Variants in NLGN1 observed in about 807,000 individuals in gnomAD.
NLGN1 encodes neuroligin 1.
Under a neutral mutation model 65.5 loss-of-function variants are expected in NLGN1, and 12 were observed. That is an observed-to-expected ratio of 0.18 (90% CI 0.12 to 0.30). The LOEUF is 0.30. Among genes scored for constraint, NLGN1 ranks in the 10% least tolerant of loss-of-function variants. The pLI is 1.00. For synonymous variants in NLGN1, 350 were observed against 359.5 expected (o/e 0.97, Z 0.30); for missense variants, 750 against 1,007.1 (o/e 0.74, Z 3.46).
At chr3:173,707,523 A>G (rs1027711869) in intron 3 of NLGN1, among the ~76,000 whole-genome samples, 3 of 152,008 alleles carry the variant, frequency 2.0e-5, no homozygotes, top group African/African-American at 7.2e-5. Flanking sequence ...ATTATTACAA[A>G]TAAGATTTCT....
At chr3:173,810,743 T>A (rs548184511) in intron 4 of NLGN1, among the ~76,000 whole-genome samples, 8 of 152,276 alleles carry the variant, frequency 5.3e-5, no homozygotes, top group African/African-American at 1.4e-4. Context: ...TTAAAAAAAA[T>A]TTGTTTATTA....
intron 3 of NLGN1, among the ~76,000 whole-genome samples, chr3:173,732,708 G>T (rs1773042707): frequency 6.6e-6 from 1 of 152,058 alleles, no homozygotes; most frequent in African/African-American, 2.4e-5. Flanking sequence ...CATTCTCAAA[G>T]AATTAAATTT....
At chr3:173,445,995 A>G (rs1345151439) in intron 2 of NLGN1, among the ~76,000 whole-genome samples, 2 of 152,182 alleles carry the variant, frequency 1.3e-5, no homozygotes, top group Non-Finnish European at 2.9e-5. Flanking sequence ...TTTGCTTTAC[A>G]GAGAAAATAA....
chr3:174,228,425 C>T (rs1232469814), intron 4 of NLGN1, among the ~76,000 whole-genome samples: 10 of 151,988 alleles, frequency 6.6e-5, no homozygotes, highest in African/African-American at 2.4e-4. Flanking sequence ...TTTCTTCATC[C>T]CCAAAGGCAC....
intron 2 of NLGN1, among the ~76,000 whole-genome samples, chr3:173,589,333 A>G (rs1029632397): frequency 4.6e-5 from 7 of 152,202 alleles, no homozygotes; most frequent in African/African-American, 1.7e-4. Flanking sequence ...CTAATGCTAC[A>G]TATGCCTACA....
At chr3:173,940,714 C>G (rs558849510) in intron 4 of NLGN1, among the ~76,000 whole-genome samples, 79 of 152,188 alleles carry the variant, frequency 5.2e-4, no homozygotes, top group African/African-American at 1.8e-3. Flanking sequence ...CCTGTTATAT[C>G]CTGATTTCAT....
At chr3:173,666,998 A>G (rs1761791502) in intron 3 of NLGN1, among the ~76,000 whole-genome samples, 1 of 152,192 alleles carries the variant, frequency 6.6e-6, no homozygotes, top group African/African-American at 2.4e-5. Context: ...TGGACATAAA[A>G]TATAAAAAGT....
At chr3:173,525,406 G>T (rs1157307068) in intron 2 of NLGN1, among the ~76,000 whole-genome samples, 1 of 151,988 alleles carries the variant, frequency 6.6e-6, no homozygotes, top group East Asian at 1.9e-4. Flanking sequence ...TGTGCACATG[G>T]AGACATTCAT....
chr3:173,837,313 A>G (rs1349712258), intron 4 of NLGN1, among the ~76,000 whole-genome samples: 2 of 152,168 alleles, frequency 1.3e-5, no homozygotes, highest in Non-Finnish European at 2.9e-5. Context: ...AATCAGGCAT[A>G]TACTTTAGAG....
rs1022390444 is a variant in NLGN1 at position 173,663,997 on chromosome 3, G to A, written c.493+58906G>A. ...TTTAGCAAAATGTTGGGAAGATGGA[G>A]GAGTATTCAGCATGAGGTATGCTGT... On this transcript the variant is annotated intron_variant, in intron 3 of 6. Transcript: ENST00000457714. 3.3e-5 allele frequency among the ~76,000 whole-genome samples: 5 copies of A among 151,924 alleles called. No homozygotes were observed. The South Asian group carries it at 1.0e-3, about 32-fold the overall frequency.
intron 4 of NLGN1, among the ~76,000 whole-genome samples, chr3:173,986,405 G>A (rs1228609129): frequency 2.0e-5 from 3 of 152,010 alleles, no homozygotes; most frequent in Non-Finnish European, 4.4e-5. Context: ...GGAGGCAGAG[G>A]TTGCAGTGAG....
At chr3:173,612,455 G>A (rs1200600049) in intron 3 of NLGN1, among the ~76,000 whole-genome samples, 1 of 152,032 alleles carries the variant, frequency 6.6e-6, no homozygotes, top group African/African-American at 2.4e-5. Context: ...CTCTACAGGA[G>A]TACCTCCCTG....
chr3:174,241,294 T>G (rs1742757757), intron 4 of NLGN1, among the ~76,000 whole-genome samples: 1 of 152,084 alleles, frequency 6.6e-6, no homozygotes, highest in Non-Finnish European at 1.5e-5. Context: ...TTTTTGCCTG[T>G]TTTATATATT....
chr3:174,105,277 T>A (rs1338098601), intron 4 of NLGN1, among the ~76,000 whole-genome samples: 1 of 152,100 alleles, frequency 6.6e-6, no homozygotes, highest in Non-Finnish European at 1.5e-5. Context: ...TGGTGGCTCA[T>A]GCCTGTCATC....
intron 2 of NLGN1, among the ~76,000 whole-genome samples, chr3:173,549,568 T>C (rs575483907): frequency 1.6e-4 from 24 of 152,156 alleles, no homozygotes; most frequent in Non-Finnish European, 2.9e-4. Flanking sequence ...TACCTCTCAT[T>C]TTATAACAAA....
rs572529718 is a variant in NLGN1 at position 174,279,337 on chromosome 3, C to T, written c.1336C>T (p.Arg446Cys). 4 of 1,613,270 alleles carry T rather than the reference C, an allele frequency of 2.5e-6. No individual in the cohort carries two copies. Among genetic ancestry groups the T allele is most frequent in the Non-Finnish European group, 3.4e-6 (4 of 1,179,558 alleles). Residue 446 changes from arginine to cysteine, a missense_variant, in exon 6 of 7, where the codon CGT becomes TGT. Arg to Cys is a radical substitution (Grantham distance 180). Transcript: ENST00000457714. This position sits in a 1 kb window ranked among gnomAD's most constrained non-coding sequence, Gnocchi z 4.7. Reference sequence around the variant, plus strand: ...GTTCATGTATACTGACTGGGCTGACCGTCATAACCCTGAAACCAGAAGAAA... The same window carrying T: ...GTTCATGTATACTGACTGGGCTGACTGTCATAACCCTGAAACCAGAAGAAA...
chr3:173,604,695 A>G, exon 3 of NLGN1: 2 of 1,613,714 alleles, frequency 1.2e-6, no homozygotes, highest in Non-Finnish European at 1.7e-6. Context: ...GACTCTCTGT[A>G]TGTTGGGATG....
chr3:174,048,819 A>C (rs1734187143), intron 4 of NLGN1, among the ~76,000 whole-genome samples: 1 of 152,160 alleles, frequency 6.6e-6, no homozygotes, highest in Non-Finnish European at 1.5e-5. Flanking sequence ...ATATATTCAA[A>C]TTAAACACAC....
At chr3:173,853,641 T>C (rs1041503472) in intron 4 of NLGN1, among the ~76,000 whole-genome samples, 1 of 152,146 alleles carries the variant, frequency 6.6e-6, no homozygotes, top group African/African-American at 2.4e-5. Context: ...GTGTGCTTAC[T>C]AAGTGCATTT....
Sources: allele counts gnomAD v4.1 joint callset (sites outside exome capture counted in the v4.1 genomes callset), GRCh38; gene constraint gnomAD v4.1.1; non-coding constraint Gnocchi (gnomAD v3.1); transcripts MANE v1.5; gene names NCBI Gene and HGNC (gene_info 2026-07-23, HGNC 2026-07-21).